The following PDXDC1 variants were observed in gnomAD, a reference collection of about 807,000 sequenced individuals.
PDXDC1 encodes pyridoxal dependent decarboxylase domain containing 1.
Under a neutral mutation model 100.1 loss-of-function variants are expected in PDXDC1, and 42 were observed. That is an observed-to-expected ratio of 0.42 (90% confidence interval 0.33 to 0.54). The LOEUF (loss-of-function observed/expected upper bound fraction) is 0.54. PDXDC1 is among the 20% of genes least tolerant of loss of function. The pLI, the probability that PDXDC1 is intolerant of heterozygous loss-of-function variation, is 0.10. For synonymous variants in PDXDC1, 260 were observed against 371.7 expected (o/e 0.70, Z 3.46); for missense variants, 636 against 979.2 (o/e 0.65, Z 4.68).
Position 15,128,375 on chromosome 16 carries a change from C to T in PDXDC1, c.1400-10504C>T, listed in dbSNP as rs575525105. ...TCCACCCCATACAGCATGATGCCCA[C>T]GTGGGCCGTGGTACCTGGAGGGCAA... On this transcript the variant is annotated intron_variant, in intron 16 of 16. Coordinates refer to the PDXDC1 transcript ENST00000535621. The T allele has an allele frequency of 1.9e-5, 31 of 1,592,770 alleles. 1 individual carries two copies. In the South Asian group the frequency reaches 2.2e-4, roughly 11 times the overall value.
intron 1 of PDXDC1, among the ~76,000 whole-genome samples, chr16:14,982,347 G>T (rs1380523080): frequency 6.6e-6 from 1 of 152,304 alleles, no homozygotes; most frequent in East Asian, 1.9e-4. Context: ...AGACGGCTGA[G>T]CATGGTGGCT....
chr16:14,998,205 G>C, intron 2 of PDXDC1, 135 bp from the exon 3 acceptor site: 1 of 749,862 alleles, frequency 1.3e-6, no homozygotes, highest in South Asian at 2.0e-5. Flanking sequence ...GAGGCAGGGA[G>C]ATGTGATAAA....
At chr16:15,084,569 T>C in intron 16 of PDXDC1, 1 of 1,105,686 alleles carries the variant, frequency 9.0e-7, no homozygotes, top group East Asian at 2.6e-5. Context: ...ACTATTAACA[T>C]TTTATAATTT....
intron 16 of PDXDC1, among the ~76,000 whole-genome samples, chr16:15,100,552 C>A (rs564482176): frequency 2.0e-5 from 3 of 152,284 alleles, no homozygotes; most frequent in Admixed American, 6.5e-5. Context: ...GTGGGATGTT[C>A]AGCAGCATCC....
intron 16 of PDXDC1, chr16:15,094,107 C>A (rs746847333): frequency 6.5e-7 from 1 of 1,541,992 alleles, no homozygotes; most frequent in Non-Finnish European, 8.8e-7. Flanking sequence ...CCTGAGCTTT[C>A]GTCCCAGATA....
intron 16 of PDXDC1, chr16:15,074,710 T>C: frequency 4.4e-6 from 7 of 1,606,910 alleles, no homozygotes; most frequent in Non-Finnish European, 6.0e-6. Flanking sequence ...AAACAGTAGC[T>C]ACTGTGATTT....
chr16:15,086,694 A>G (rs1370493912), intron 16 of PDXDC1, among the ~76,000 whole-genome samples: 1 of 152,238 alleles, frequency 6.6e-6, no homozygotes, highest in Non-Finnish European at 1.5e-5. Context: ...GCAATACTTC[A>G]GCCTGATCAC....
chr16:15,079,879 G>C (rs1009462713), intron 16 of PDXDC1: 6 of 1,211,814 alleles, frequency 5.0e-6, no homozygotes, highest in African/African-American at 1.6e-5. Flanking sequence ...ATACAGGCGT[G>C]AGTCACCACG....
chr16:15,136,444 C>A, intron 16 of PDXDC1: 1 of 604,464 alleles, frequency 1.7e-6, no homozygotes, highest in Non-Finnish European at 2.9e-6. Flanking sequence ...GCCGGCGCCA[C>A]CTGCTCACCA....
At chr16:15,152,111 C>T in the PDXDC1 span, among the ~76,000 whole-genome samples, 1 of 145,566 alleles carries the variant, frequency 6.9e-6, no homozygotes, top group Non-Finnish European at 1.5e-5. Flanking sequence ...TTCCAAAAGC[C>T]ACCACCTCTC....
intron 16 of PDXDC1, among the ~76,000 whole-genome samples, chr16:15,087,708 C>T (rs1041724768): frequency 6.6e-6 from 1 of 152,200 alleles, no homozygotes; most frequent in African/African-American, 2.4e-5. Flanking sequence ...AGGCCAAAGG[C>T]ATGTAGAAAA....
At chr16:15,023,511 T>C (rs1382883542) in intron 13 of PDXDC1, among the ~76,000 whole-genome samples, 3 of 152,296 alleles carry the variant, frequency 2.0e-5, no homozygotes, top group Non-Finnish European at 4.4e-5. Context: ...ATACAAAAAG[T>C]AGCCGCGCAT....
chr16:15,031,098 G>GC (rs1285530850), intron 16 of PDXDC1, among the ~76,000 whole-genome samples: 1 of 146,412 alleles, frequency 6.8e-6, no homozygotes, highest in Non-Finnish European at 1.5e-5. Context: ...CTACAGGCGA[G>GC]CACCACCACA....
chr16:15,101,448 C>T (rs2046545403), intron 16 of PDXDC1, among the ~76,000 whole-genome samples: 1 of 152,178 alleles, frequency 6.6e-6, no homozygotes, highest in African/African-American at 2.4e-5. Context: ...TCCCAAGTAG[C>T]TGGAATTACA....
intron 1 of PDXDC1, among the ~76,000 whole-genome samples, chr16:14,990,581 T>G (rs1487144287): frequency 6.6e-6 from 1 of 152,290 alleles, no homozygotes; most frequent in African/African-American, 2.4e-5. Context: ...GGATAATACT[T>G]TATATTTTGA....
At chr16:15,067,525 A>G (rs945429732) in intron 16 of PDXDC1, among the ~76,000 whole-genome samples, 7 of 140,970 alleles carry the variant, frequency 5.0e-5, no homozygotes, top group Non-Finnish European at 1.1e-4. Context: ...CTGAGAGAAC[A>G]GAACTCTCTA....
At chr16:15,143,974 T>C (rs1292740120), downstream of PDXDC1, among the ~76,000 whole-genome samples, 3 of 152,112 alleles carry the variant, frequency 2.0e-5, no homozygotes, top group African/African-American at 7.2e-5. Context: ...GAAACTGGGC[T>C]GGGGGGACCG....
At chr16:15,044,291 A>G (rs946833150) in intron 16 of PDXDC1, 1 of 1,384,354 alleles carries the variant, frequency 7.2e-7, no homozygotes. Flanking sequence ...ATGGGTACAT[A>G]TTTATGTCCA....
chr16:15,123,940 C>T (rs1286745372), intron 16 of PDXDC1, among the ~76,000 whole-genome samples: 2 of 149,734 alleles, frequency 1.3e-5, no homozygotes, highest in African/African-American at 4.9e-5. Context: ...CCCACCTAGA[C>T]ATTTTAACAT....
Sources: gnomAD v4.1 joint callset for allele counts (sites outside exome capture counted in the v4.1 genomes callset) on GRCh38, gnomAD v4.1.1 for gene constraint, MANE v1.5 for transcripts, NCBI Gene and HGNC (gene_info 2026-07-23, HGNC 2026-07-21) for gene names.